Variants in MAP4K4 observed in about 807,000 individuals in gnomAD.
MAP4K4 encodes mitogen-activated protein kinase kinase kinase kinase 4.
A neutral mutation model predicts 189.6 loss-of-function variants in MAP4K4; 38 were observed. The ratio of observed to expected loss-of-function variants is 0.20; its 90% CI spans 0.15 to 0.26. The LOEUF (loss-of-function observed/expected upper bound fraction) is 0.26. Among genes scored for constraint, MAP4K4 ranks in the 10% least tolerant of loss-of-function variants. MAP4K4 has a pLI of 1.00. For missense variants in MAP4K4, 1,054 were observed against 1,726.9 expected (o/e 0.61, Z 6.91); for synonymous variants, 610 against 624.3 (o/e 0.98, Z 0.34).
rs866812528 is a variant in MAP4K4 at position 101,824,056 on chromosome 2, A to G, written c.306+3A>G. ...CAGGACATGATGACCAACTCTGGGT[A>G]GGTGGATGTTTCCTGAGCATTTGTG... On this transcript the variant is annotated splice_donor_region_variant and intron_variant, in intron 4 of 32. Transcript: ENST00000324219. 32 of 1,338,224 alleles carry G rather than the reference A, an allele frequency of 2.4e-5. No individual in the cohort carries two copies. The Middle Eastern group carries it at 4.1e-3, about 172-fold the overall frequency. The allele number at this position is 1,338,224 out of a possible 1,614,324, so 82.9% of individuals were successfully genotyped here. A position where few individuals can be genotyped will look rare whatever the true frequency, so the allele number is the denominator to read the frequency against.
intron 7 of MAP4K4, 92 bp downstream of exon 7, chr2:101,831,943 C>T: frequency 2.8e-6 from 4 of 1,437,710 alleles, no homozygotes; most frequent in South Asian, 2.7e-5. Context: ...CCCTTGTCTG[C>T]CTGCCTTTTC....
intron 2 of MAP4K4, among the ~76,000 whole-genome samples, chr2:101,721,746 GT>G (rs1177070318): frequency 6.6e-6 from 1 of 152,074 alleles, no homozygotes; most frequent in Non-Finnish European, 1.5e-5. Context: ...CTTGCTTTTT[GT>G]TTTTACTAAA....
At chr2:101,709,809 A>G (rs906263960) in intron 2 of MAP4K4, among the ~76,000 whole-genome samples, 4 of 152,180 alleles carry the variant, frequency 2.6e-5, no homozygotes, top group African/African-American at 7.2e-5. Context: ...TTTTGGGCGA[A>G]TAAGTTTGCT....
intron 2 of MAP4K4, among the ~76,000 whole-genome samples, chr2:101,719,941 G>A (rs1244709867): frequency 6.6e-6 from 1 of 152,038 alleles, no homozygotes; most frequent in African/African-American, 2.4e-5. Flanking sequence ...GTACCTGGGA[G>A]GCGGAGGTTG....
chr2:101,869,703 A>G, exon 22 of MAP4K4: 2 of 1,604,544 alleles, frequency 1.2e-6, no homozygotes, highest in Non-Finnish European at 1.7e-6. Flanking sequence ...CTCCTCATCC[A>G]GTGAGGAGTC....
intron 2 of MAP4K4, among the ~76,000 whole-genome samples, chr2:101,719,928 C>CT (rs2050750447): frequency 6.6e-6 from 1 of 151,980 alleles, no homozygotes; most frequent in Admixed American, 6.5e-5. Context: ...AGGAGAATTG[C>CT]TTGTACCTGG....
intron 3 of MAP4K4, among the ~76,000 whole-genome samples, chr2:101,800,137 A>G (rs1185307301): frequency 7.1e-6 from 1 of 140,536 alleles, no homozygotes. Flanking sequence ...AAAAAAAAAT[A>G]ATAATTTTTT....
chr2:101,850,434 G>A (rs2097248788), intron 12 of MAP4K4, among the ~76,000 whole-genome samples: 1 of 152,160 alleles, frequency 6.6e-6, no homozygotes, highest in Non-Finnish European at 1.5e-5. Flanking sequence ...TAGAAGGAAG[G>A]CAGTGAACTC....
intron 27 of MAP4K4, among the ~76,000 whole-genome samples, chr2:101,882,124 C>T (rs1407570559): frequency 6.6e-6 from 1 of 152,172 alleles, no homozygotes; most frequent in Admixed American, 6.5e-5. Flanking sequence ...ACACTAGTTT[C>T]TGAAGTTTCT....
chr2:101,788,351 A>G (rs2092102743), intron 2 of MAP4K4, among the ~76,000 whole-genome samples: 2 of 152,156 alleles, frequency 1.3e-5, no homozygotes, highest in African/African-American at 2.4e-5. Context: ...TCTGCACTTT[A>G]TCTACCACCT....
At chr2:101,864,793 T>C (rs2097768358) in intron 17 of MAP4K4, 137 bp from the exon 18 acceptor site, 2 of 616,862 alleles carry the variant, frequency 3.2e-6, no homozygotes, top group Non-Finnish European at 5.8e-6. Flanking sequence ...AGGGAAGGAG[T>C]TGGGGTGGGG....
chr2:101,713,306 A>G (rs191153454), intron 2 of MAP4K4, among the ~76,000 whole-genome samples: 1 of 152,110 alleles, frequency 6.6e-6, no homozygotes, highest in East Asian at 1.9e-4. Flanking sequence ...AAAATTTTTA[A>G]TCCCTCTGCT....
chr2:101,840,429 A>G (rs1235916626), intron 10 of MAP4K4, among the ~76,000 whole-genome samples: 2 of 152,212 alleles, frequency 1.3e-5, no homozygotes, highest in Non-Finnish European at 2.9e-5. Context: ...GCGGTGTGGT[A>G]GCATGGGCCA....
intron 16 of MAP4K4, chr2:101,861,230 T>C (rs2097646608): frequency 2.9e-6 from 1 of 348,462 alleles, no homozygotes; most frequent in Non-Finnish European, 5.1e-6. Context: ...TCTAACTTTT[T>C]GCCTTCCCTA....
chr2:101,857,213 T>G (rs998569849), intron 13 of MAP4K4, among the ~76,000 whole-genome samples: 45 of 152,330 alleles, frequency 3.0e-4, no homozygotes, highest in African/African-American at 1.1e-3. Context: ...CATTAAATTT[T>G]GTGAATAGCA....
Position 101,877,341 on chromosome 2 carries a change from C to T in MAP4K4, c.3385+195C>T, listed in dbSNP as rs190124583. 3.6e-3 allele frequency among the ~76,000 whole-genome samples: 544 copies of T among 152,262 alleles called. 2 individuals carry two copies. Among genetic ancestry groups the T allele is most frequent in the African/African-American group, 0.012 (517 of 41,530 alleles). On this transcript the variant is annotated intron_variant, in intron 27 of 32. Coordinates refer to ENST00000324219, the Ensembl canonical transcript of MAP4K4. ...ACGCCCATTTGATCTCTGGCTCCTC[C>T]GAAAGCAGTCTTGAGAAGCGTATGA...
rs1286699315 is a variant in MAP4K4, at chr2:101,816,271, A to C, written c.181-7657A>C. 7.2e-4 allele frequency among the ~76,000 whole-genome samples: 109 copies of C among 152,316 alleles called. 1 individual carries two copies. The highest frequency in any genetic ancestry group is 1.9e-4 in the Non-Finnish European group (13 of 68,020). The stretch of plus-strand genomic sequence containing the variant: ...CTGTCCTTGATACTTTATTTTGGCC[A>C]GGAGCCAAAGTTCCCTTCATTCTTT... On this transcript the variant is annotated intron_variant, in intron 3 of 32. Coordinates refer to ENST00000324219, the Ensembl canonical transcript of MAP4K4.
intron 29 of MAP4K4, among the ~76,000 whole-genome samples, chr2:101,886,226 T>C (rs2098478610): frequency 6.6e-6 from 1 of 152,242 alleles, no homozygotes; most frequent in Admixed American, 6.5e-5. Flanking sequence ...TAGTTGGTTT[T>C]ATACATATTA....
At chr2:101,735,263 C>A (rs2059909811) in intron 2 of MAP4K4, among the ~76,000 whole-genome samples, 1 of 152,050 alleles carries the variant, frequency 6.6e-6, no homozygotes, top group African/African-American at 2.4e-5. Flanking sequence ...TATGTGGGGG[C>A]TTTCTTACAG....
Sources: gnomAD v4.1 joint callset for allele counts (sites outside exome capture counted in the v4.1 genomes callset) on GRCh38, gnomAD v4.1.1 for gene constraint, MANE v1.5 for transcripts, NCBI Gene and HGNC (gene_info 2026-07-23, HGNC 2026-07-21) for gene names.